The following LRRK1 variants were observed in gnomAD, a reference collection of about 807,000 sequenced individuals.
The protein encoded by LRRK1 is leucine rich repeat kinase 1, also known as leucine-rich repeat serine/threonine-protein kinase 1.
LRRK1 carries 113 observed loss-of-function variants against 209.1 expected under a neutral mutation model. The ratio of observed to expected loss-of-function variants is 0.54; its 90% CI spans 0.46 to 0.63. The LOEUF (loss-of-function observed/expected upper bound fraction) is 0.63. Among genes scored for constraint, LRRK1 ranks in the 30% least tolerant of loss-of-function variants. The pLI is 0.00. For missense variants in LRRK1, 2,284 were observed against 2,632.2 expected, an observed-to-expected ratio of 0.87 and a Z score of 2.89; for synonymous variants, 1,144 against 1,099.7, an observed-to-expected ratio of 1.04 and a Z score of -0.80.
intron 6 of LRRK1, among the ~76,000 whole-genome samples, chr15:100,990,339 C>CT (rs531538547): frequency 9.4e-5 from 14 of 149,012 alleles, no homozygotes; most frequent in Non-Finnish European, 1.5e-4. Context: ...TGAAATAGTT[C>CT]TTTTTTTTTT....
Position 101,052,975 on chromosome 15 carries a change from T to C in LRRK1, c.3743T>C (p.Leu1248Pro). The C allele has an allele frequency of 1.2e-6, 2 of 1,612,800 alleles. No individual in the cohort carries two copies. The highest frequency in any genetic ancestry group is 1.7e-4 in the Middle Eastern group (1 of 6,058). ...CACAGCGAGGACGAGGGCAGCGTCC[T>C]GGGCCAGGGCGGCAGTGGCACCGTC... ...LEHSEDEGSVLGQGGSGTVIY... is the reference protein window; with the variant it reads ...LEHSEDEGSVPGQGGSGTVIY... Residue 1248 changes from leucine to proline, a missense_variant, in exon 25 of 34, where the codon CTG (leucine) becomes CCG (proline). By Grantham distance (98) the Leu-to-Pro change is moderately conservative. Transcript: ENST00000388948.
chr15:101,018,178 TAA>T (rs34360209), intron 12 of LRRK1, among the ~76,000 whole-genome samples: 1,608 of 126,580 alleles, frequency 0.013, 18 homozygotes, highest in African/African-American at 0.026. Flanking sequence ...CAAATTGATT[TAA>T]AAAAAAAAAA....
intron 20 of LRRK1, among the ~76,000 whole-genome samples, chr15:101,042,337 T>G (rs1274037654): frequency 6.6e-6 from 1 of 152,018 alleles, no homozygotes; most frequent in African/African-American, 2.4e-5. Flanking sequence ...TTTTTAAAGG[T>G]GTCACCCCAT....
intron 3 of LRRK1, among the ~76,000 whole-genome samples, chr15:100,977,499 G>A (rs1296635030): frequency 1.3e-5 from 2 of 152,206 alleles, no homozygotes; most frequent in East Asian, 3.8e-4. Flanking sequence ...TCAGTGGACA[G>A]CATGTGGGGA....
chr15:101,012,642 GCCCAGGCCACC>G (rs2033317263), intron 10 of LRRK1, among the ~76,000 whole-genome samples: 3 of 28,976 alleles, frequency 1.0e-4, no homozygotes, highest in Middle Eastern at 0.038. Flanking sequence ...CAGGCAGAGT[GCCCAGGCCACC>G]CTGCACAGGC....
At chr15:100,958,044 C>T (rs2042800677) in intron 2 of LRRK1, among the ~76,000 whole-genome samples, 1 of 152,114 alleles carries the variant, frequency 6.6e-6, no homozygotes, top group African/African-American at 2.4e-5. Context: ...TTTTGTGTGA[C>T]AGGGTTTCAC....
At chr15:100,991,364 T>C (rs922874110) in intron 6 of LRRK1, among the ~76,000 whole-genome samples, 3 of 152,240 alleles carry the variant, frequency 2.0e-5, no homozygotes, top group Non-Finnish European at 4.4e-5. Flanking sequence ...AGTGACTCTA[T>C]TTGTGTAGCT....
chr15:100,976,390 C>T (rs907592537), intron 3 of LRRK1, among the ~76,000 whole-genome samples: 2 of 152,116 alleles, frequency 1.3e-5, no homozygotes, highest in Non-Finnish European at 2.9e-5. Flanking sequence ...ACACACACAT[C>T]TGAAAGATAT....
intron 9 of LRRK1, 45 bp from the exon 10 acceptor site, chr15:101,011,963 A>T: frequency 6.9e-7 from 1 of 1,440,716 alleles, no homozygotes; most frequent in Non-Finnish European, 9.5e-7. Context: ...CACTGCATTT[A>T]AAGAGCTAAC....
chr15:101,044,748 A>G (rs1393151103), intron 20 of LRRK1, among the ~76,000 whole-genome samples: 5 of 152,350 alleles, frequency 3.3e-5, no homozygotes, highest in African/African-American at 9.6e-5. Flanking sequence ...ATGGGGCACC[A>G]CCACTGTAAG....
At chr15:100,930,419 G>C (rs1196160206) in intron 2 of LRRK1, among the ~76,000 whole-genome samples, 1 of 152,096 alleles carries the variant, frequency 6.6e-6, no homozygotes, top group Non-Finnish European at 1.5e-5. Context: ...TCCCCACCCT[G>C]CCGTGGACCG....
Position 101,026,130 on chromosome 15 carries a change from C to A in LRRK1, c.2398C>A (p.His800Asn), listed in dbSNP as rs780703616. Residue 800 changes from histidine (H) to asparagine (N), a missense_variant, in exon 17 of 34, where the codon CAC becomes AAC. By Grantham distance (68) the His-to-Asn change is moderately conservative. Coordinates refer to ENST00000388948, the MANE Select transcript of LRRK1 (RefSeq NM_024652.6). ...ATGFPDITFK[H>N]LHEISCKSLE... Reference sequence around the variant, plus strand: ...AGGCTTCCCAGACATCACCTTCAAACACTTACAGTGAGTGCCCAGCCTCGG... The same window carrying A: ...AGGCTTCCCAGACATCACCTTCAAAAACTTACAGTGAGTGCCCAGCCTCGG... 10 of 1,614,206 alleles carry A rather than the reference C, an allele frequency of 6.2e-6. No homozygotes were observed. The highest frequency in any genetic ancestry group is 8.5e-6 in the Non-Finnish European group (10 of 1,180,020).
Position 101,069,420 on chromosome 15 carries a change from G to GT in LRRK1, c.*572_*573insT, listed in dbSNP as rs2036701661. ...CTGTGTTCGGGAAGGTCTCCGTGTG[G>GT]GAAAGCCCTTGGGGGATCCCGGGTG... On this transcript the variant is annotated 3_prime_UTR_variant, in exon 34 of 34. Transcript: ENST00000388948. 6.6e-6 allele frequency: 1 copy of GT among 152,550 alleles called. No homozygotes were observed. The highest frequency in any genetic ancestry group is 1.5e-5 in the Non-Finnish European group (1 of 68,196). The allele number at this position is 152,550 out of a possible 1,614,324, so 9.4% of individuals were successfully genotyped here. A position where few individuals can be genotyped will look rare whatever the true frequency, so the allele number is the denominator to read the frequency against.
intron 31 of LRRK1, among the ~76,000 whole-genome samples, chr15:101,063,145 G>A (rs1457622712): frequency 1.3e-5 from 2 of 152,166 alleles, no homozygotes; most frequent in East Asian, 1.9e-4. Context: ...TACACCAGAC[G>A]CAGTTTCTCT....
At position 101,024,670 on chromosome 15, in the gene LRRK1, G is replaced by A; in HGVS notation, c.2068-133G>A. On this transcript the variant is annotated intron_variant, in intron 15 of 33. Coordinates refer to ENST00000388948, the MANE Select transcript of LRRK1 (RefSeq NM_024652.6). The surrounding 1 kb of genome is among the most constrained non-coding windows in gnomAD (Gnocchi z 4.6). ...ACTGTTTCCTAAGAAACAATAGAGT[G>A]TCCAGAACTTTTCCACGGTTGTTTT... 2.1e-6 allele frequency: 2 copies of A among 956,640 alleles called. No homozygotes were observed. The highest frequency in any genetic ancestry group is 3.2e-6 in the Non-Finnish European group (2 of 632,050). The allele number at this position is 956,640 out of a possible 1,614,324, so 59.3% of individuals were successfully genotyped here. A position where few individuals can be genotyped will look rare whatever the true frequency, so the allele number is the denominator to read the frequency against.
At position 101,040,943 on chromosome 15, in the gene LRRK1, C is replaced by A. The variant is rs116059812; in HGVS notation, c.2964-5038C>A. Among the ~76,000 whole-genome samples, 332 of 152,300 alleles carry A rather than the reference C, an allele frequency of 2.2e-3. 1 individual carries two copies. The highest frequency in any genetic ancestry group is 7.5e-3 in the African/African-American group (310 of 41,560). ...AGAGTGGTAAACAACGTGTTCAAAT[C>A]TTCCGTATTCTCACTGATTTTTTTC... On this transcript the variant is annotated intron_variant, in intron 20 of 33. Coordinates refer to ENST00000388948, the MANE Select transcript of LRRK1 (RefSeq NM_024652.6).
At chr15:100,983,464 G>A (rs922105456) in intron 3 of LRRK1, 64 bp from the exon 4 acceptor site, 18 of 1,459,020 alleles carry the variant, frequency 1.2e-5, no homozygotes, top group African/African-American at 2.8e-5. Flanking sequence ...AGGGTTTAAC[G>A]TCAGTTGTCT....
At chr15:100,942,226 T>C (rs947663745) in intron 2 of LRRK1, among the ~76,000 whole-genome samples, 1 of 152,126 alleles carries the variant, frequency 6.6e-6, no homozygotes, top group Non-Finnish European at 1.5e-5. Context: ...GGAACCGGGT[T>C]CAAATCCTGA....
chr15:101,055,421 C>T (rs995371627), intron 27 of LRRK1, among the ~76,000 whole-genome samples, 198 bp downstream of exon 27: 1 of 152,118 alleles, frequency 6.6e-6, no homozygotes, highest in Non-Finnish European at 1.5e-5. Flanking sequence ...CTGCTTGTAG[C>T]AAAGTTGACT....
Sources: gnomAD v4.1 joint callset for allele counts (sites outside exome capture counted in the v4.1 genomes callset) on GRCh38, gnomAD v4.1.1 for gene constraint, Gnocchi (gnomAD v3.1) non-coding constraint, MANE v1.5 for transcripts, NCBI Gene and HGNC (gene_info 2026-07-23, HGNC 2026-07-21) for gene names.